The following CEP63 variants were observed in gnomAD, a reference collection of about 807,000 sequenced individuals.
The protein encoded by CEP63 is centrosomal protein of 63 kDa.
A neutral mutation model predicts 89.1 loss-of-function variants in CEP63; 84 were observed. The ratio of observed to expected loss-of-function variants is 0.94; its 90% confidence interval spans 0.79 to 1.13. The LOEUF (loss-of-function observed/expected upper bound fraction) is 1.13, where lower values mean the gene tolerates loss of function less well. Ranked by LOEUF, CEP63 falls within the 50% of genes most tolerant of loss-of-function variation. The pLI, the probability that CEP63 is intolerant of heterozygous loss-of-function variation, is 0.00. For synonymous variants in CEP63, 267 were observed against 272.5 expected, an observed-to-expected ratio of 0.98 and a Z score of 0.20; for missense variants, 838 against 813.3, an observed-to-expected ratio of 1.03 and a Z score of -0.37.
At chr3:134,598,232 G>A in the CEP63 span, among the ~76,000 whole-genome samples, 95,855 of 152,088 alleles carry the variant, frequency 0.63, 30,717 homozygotes, top group East Asian at 0.87. Flanking sequence ...CCCTGTGGTG[G>A]TGCATAACTA....
At chr3:134,637,900 A>C in the CEP63 span, among the ~76,000 whole-genome samples, 1,325 of 152,342 alleles carry the variant, frequency 8.7e-3, 29 homozygotes, top group East Asian at 0.084. Flanking sequence ...TCATGTTCGG[A>C]GCACGGCCCT....
intron 2 of CEP63, among the ~76,000 whole-genome samples, chr3:134,500,395 T>C (rs1316877204): frequency 1.3e-5 from 2 of 152,146 alleles, no homozygotes; most frequent in Non-Finnish European, 2.9e-5. Context: ...GGTGTTGCGA[T>C]GAACATGTGA....
intron 3 of CEP63, among the ~76,000 whole-genome samples, chr3:134,521,406 C>G (rs553492193): frequency 2.7e-5 from 4 of 150,412 alleles, no homozygotes; most frequent in African/African-American, 9.8e-5. Context: ...GTAGAAGATA[C>G]ACATTTTGTG....
At chr3:134,697,917 G>A in the CEP63 span, among the ~76,000 whole-genome samples, 1 of 152,208 alleles carries the variant, frequency 6.6e-6, no homozygotes, top group African/African-American at 2.4e-5. Flanking sequence ...GCTGGCAGGC[G>A]GGGCCTGGAG....
At chr3:134,596,816 T>A in the CEP63 span, among the ~76,000 whole-genome samples, 1 of 152,070 alleles carries the variant, frequency 6.6e-6, no homozygotes, top group African/African-American at 2.4e-5. Context: ...AGGTTCTGGG[T>A]TAACAGATGA....
intron 6 of CEP63, among the ~76,000 whole-genome samples, chr3:134,538,555 G>GTATATATA (rs1322990322): frequency 2.4e-5 from 1 of 42,500 alleles, no homozygotes; most frequent in Non-Finnish European, 5.8e-5. Context: ...ATATATATAT[G>GTATATATA]TATATATATA....
At chr3:134,652,775 G>C in the CEP63 span, among the ~76,000 whole-genome samples, 1 of 152,114 alleles carries the variant, frequency 6.6e-6, no homozygotes, top group African/African-American at 2.4e-5. Flanking sequence ...CAGATCTCAG[G>C]TCCCAGAGTC....
the CEP63 span, among the ~76,000 whole-genome samples, chr3:134,732,825 C>T: frequency 1.4e-4 from 21 of 152,128 alleles, no homozygotes; most frequent in African/African-American, 5.1e-4. Context: ...CTGTGAAGGG[C>T]CTTATATTTT....
At chr3:134,495,740 C>T (rs1012394596) in intron 2 of CEP63, among the ~76,000 whole-genome samples, 2 of 152,276 alleles carry the variant, frequency 1.3e-5, no homozygotes, top group Admixed American at 6.5e-5. Context: ...ACCCCCAACC[C>T]CTTCCCAGCC....
chr3:134,731,476 A>G, the CEP63 span, among the ~76,000 whole-genome samples: 2 of 152,356 alleles, frequency 1.3e-5, no homozygotes, highest in African/African-American at 4.8e-5. Flanking sequence ...AACTCCATAC[A>G]TTTTGAAATT....
chr3:134,560,882 A>G (rs1041495140), intron 14 of CEP63, among the ~76,000 whole-genome samples: 7 of 152,204 alleles, frequency 4.6e-5, no homozygotes, highest in South Asian at 2.1e-4. Context: ...CATATGTTCT[A>G]TGTTACCTTT....
the CEP63 span, among the ~76,000 whole-genome samples, chr3:134,665,233 G>A: frequency 6.6e-6 from 1 of 152,216 alleles, no homozygotes; most frequent in Non-Finnish European, 1.5e-5. Flanking sequence ...CAGTGAGAAA[G>A]GTCAGGGCTG....
the CEP63 span, among the ~76,000 whole-genome samples, chr3:134,700,039 C>CA: frequency 6.6e-6 from 1 of 152,252 alleles, no homozygotes; most frequent in Non-Finnish European, 1.5e-5. Flanking sequence ...TGCATGATGC[C>CA]AAGAGTGAGC....
At position 134,559,302 on chromosome 3, in the gene CEP63, C is replaced by G. The variant is rs1956901533; in HGVS notation, c.1826C>G (p.Thr609Ser). 1 of 1,614,008 alleles carries G rather than the reference C, an allele frequency of 6.2e-7. No individual in the cohort carries two copies. Among genetic ancestry groups the G allele is most frequent in the Non-Finnish European group, 8.5e-7 (1 of 1,180,030 alleles). The change falls in exon 14 of 15, where the codon ACC (threonine) becomes AGC (serine). Residue 609 changes from threonine (T) to serine (S), a missense_variant. Coordinates refer to ENST00000675561, the MANE Select transcript of CEP63 (RefSeq NM_001353108.3). ...LSPQISPCSSTRSLTSYSLCK... is the reference protein window; with the variant it reads ...LSPQISPCSSSRSLTSYSLCK... ...CCTCAAATCAGCCCTTGCAGCTCCA[C>G]CAGGTCTTTGACTTCCTACTCTCTA...
chr3:134,659,034 A>T, the CEP63 span, among the ~76,000 whole-genome samples: 1 of 152,152 alleles, frequency 6.6e-6, no homozygotes, highest in South Asian at 2.1e-4. Flanking sequence ...GCATATAATA[A>T]TGTGCAAGTG....
At chr3:134,567,167 T>A (rs1434838885), downstream of CEP63, among the ~76,000 whole-genome samples, 29 of 125,714 alleles carry the variant, frequency 2.3e-4, 1 homozygote, top group Admixed American at 1.6e-3. Context: ...AAAAAAAAAA[T>A]CACATATTGT....
chr3:134,746,006 T>C, the CEP63 span, among the ~76,000 whole-genome samples: 6 of 151,254 alleles, frequency 4.0e-5, no homozygotes, highest in Non-Finnish European at 8.8e-5. Context: ...CATGTTGGTT[T>C]TTGCACCCAT....
At chr3:134,627,953 AC>A in the CEP63 span, 1 of 675,312 alleles carries the variant, frequency 1.5e-6, no homozygotes, top group Non-Finnish European at 2.6e-6. Flanking sequence ...CCTTGTTCCC[AC>A]CCCACTGACC....
At chr3:134,490,335 T>A (rs1026456203) in intron 1 of CEP63, among the ~76,000 whole-genome samples, 1 of 152,128 alleles carries the variant, frequency 6.6e-6, no homozygotes, top group Non-Finnish European at 1.5e-5. Flanking sequence ...ATTAATAGAA[T>A]TAGTTTTTTT....
Sources: allele counts gnomAD v4.1 joint callset (sites outside exome capture counted in the v4.1 genomes callset), GRCh38; gene constraint gnomAD v4.1.1; transcripts MANE v1.5; gene names NCBI Gene and HGNC (gene_info 2026-07-23, HGNC 2026-07-21).